Variants in CYP2S1 observed in about 807,000 individuals in gnomAD.
The protein encoded by CYP2S1 is cytochrome P450 family 2 subfamily S member 1, also known as cytochrome P450 2S1.
A neutral mutation model predicts 43.5 loss-of-function variants in CYP2S1; 32 were observed. The observed-to-expected ratio is 0.74, with a 90% CI of 0.56 to 0.99. The LOEUF is 0.99. Among genes scored for constraint, CYP2S1 ranks in the 50% least tolerant of loss-of-function variants. The pLI is 0.00. For synonymous variants in CYP2S1, 283 were observed against 302.9 expected, an observed-to-expected ratio of 0.93 and a Z score of 0.68; for missense variants, 575 against 673.9, an observed-to-expected ratio of 0.85 and a Z score of 1.62.
chr19:41,198,862 G>C lies in CYP2S1; in HGVS notation c.808G>C (p.Asp270His). The stretch of plus-strand genomic sequence containing the variant: ...TTCGGGCCCCGCACGTGACCTTGTC[G>C]ATGCCTTCCTGCTGAAGATGGCACA... ...DASGPARDLV[D>H]AFLLKMAQEE... The change falls in exon 5 of 9, where the codon GAT becomes CAT. Residue 270 changes from aspartate (D) to histidine (H), a missense_variant. Transcript: ENST00000310054. The surrounding 1 kb of genome is among the most constrained non-coding windows in gnomAD (Gnocchi z 4.9). 6.2e-7 allele frequency: 1 copy of C among 1,613,560 alleles called. No homozygotes were observed. Among genetic ancestry groups the C allele is most frequent in the Non-Finnish European group, 8.5e-7 (1 of 1,179,596 alleles).
chr19:41,205,398 T>TTC (rs1271596316), intron 7 of CYP2S1, among the ~76,000 whole-genome samples: 3 of 77,998 alleles, frequency 3.8e-5, no homozygotes, highest in African/African-American at 1.9e-4. Context: ...CTCTCTTTCT[T>TTC]TCTCTCTTTC....
At chr19:41,205,177 G>A (rs1486008819) in intron 7 of CYP2S1, among the ~76,000 whole-genome samples, 1 of 152,034 alleles carries the variant, frequency 6.6e-6, no homozygotes, top group African/African-American at 2.4e-5. Flanking sequence ...AATCTTTAAA[G>A]CAACCCTATA....
chr19:41,199,736 G>A (rs573015206), intron 5 of CYP2S1, among the ~76,000 whole-genome samples: 1 of 151,874 alleles, frequency 6.6e-6, no homozygotes, highest in African/African-American at 2.4e-5. Flanking sequence ...AGGCCGAGAC[G>A]GGCGGATCAC....
At chr19:41,202,808 G>T (rs2033506638) in intron 6 of CYP2S1, among the ~76,000 whole-genome samples, 1 of 148,814 alleles carries the variant, frequency 6.7e-6, no homozygotes, top group South Asian at 2.1e-4. Context: ...AAAAAAAAGA[G>T]AGAGAGAGAA....
At position 41,203,442 on chromosome 19, in the gene CYP2S1, G is replaced by T; in HGVS notation, c.977-8G>T. On this transcript the variant is annotated splice_region_variant and splice_polypyrimidine_tract_variant and intron_variant, in intron 6 of 8. Coordinates refer to ENST00000310054, the MANE Select transcript of CYP2S1 (RefSeq NM_030622.8). ...CCCGTCTGACTCCTGCCCTCCTCTT[G>T]CTTGCAGAGTGGGTACGTGAGGAGC... 6.3e-7 allele frequency: 1 copy of T among 1,593,058 alleles called. No homozygotes were observed. The highest frequency in any genetic ancestry group is 8.6e-7 in the Non-Finnish European group (1 of 1,169,212).
rs2033385921 is a variant in CYP2S1 at position 41,194,570 on chromosome 19, C to T, written c.204C>T (p.Phe68=). ...MRLSKKYGPV[F]TIYLGPWRPV... The stretch of plus-strand genomic sequence containing the variant: ...TGAGTAAGAAGTACGGACCGGTGTT[C>T]ACCATCTACCTGGGACCCTGGCGGC... Residue 68 remains phenylalanine (F), a synonymous_variant, in exon 2 of 9, where the codon TTC becomes TTT. Transcript: ENST00000310054. The T allele has an allele frequency of 1.2e-6, 2 of 1,602,956 alleles. No individual in the cohort carries two copies. The highest frequency in any genetic ancestry group is 1.1e-5 in the South Asian group (1 of 89,230).
Position 41,197,908 on chromosome 19 carries a change from A to T in CYP2S1, c.473A>T (p.Glu158Val), listed in dbSNP as rs781066659. 3.7e-6 allele frequency: 6 copies of T among 1,613,318 alleles called. No individual in the cohort carries two copies. The highest frequency in any genetic ancestry group is 5.1e-6 in the Non-Finnish European group (6 of 1,179,726). The change falls in exon 3 of 9, where the codon GAG (glutamate) becomes GTG (valine). Residue 158 changes from glutamate (E) to valine (V), a missense_variant. Glu to Val is a moderately radical substitution (Grantham distance 121). Around this residue, in one of 2 missense-constraint regions of CYP2S1, gnomAD observed 353 missense variants for 367.6 expected, o/e 0.96. Coordinates refer to ENST00000310054, the MANE Select transcript of CYP2S1 (RefSeq NM_030622.8). ...CAGGCGGAGGCCCGGTGTCTGGTGG[A>T]GACATTCCAGGGGACAGAAGGTCAG... ...LIQAEARCLV[E>V]TFQGTEGRPF... is the part of the protein sequence containing the mutation.
intron 6 of CYP2S1, 35 bp downstream of exon 6, chr19:41,201,407 C>T: frequency 6.2e-7 from 1 of 1,608,444 alleles, no homozygotes; most frequent in Non-Finnish European, 8.5e-7. Context: ...GCCTTGGGAA[C>T]AGAAGTCAGG....
At chr19:41,195,031 G>T (rs762418101) in intron 2 of CYP2S1, among the ~76,000 whole-genome samples, 6 of 152,138 alleles carry the variant, frequency 3.9e-5, no homozygotes, top group Non-Finnish European at 8.8e-5. Flanking sequence ...CAGGAGAATC[G>T]CTTGAACCCG....
In CYP2S1 at chr19:41,193,412, C is replaced by T. The variant is rs1423030283; in HGVS notation, c.148C>T (p.Pro50Ser). The T allele has an allele frequency of 2.3e-5, 34 of 1,502,754 alleles. No homozygotes were observed. The highest frequency in any genetic ancestry group is 2.9e-5 in the Non-Finnish European group (33 of 1,123,966). 93.1% of individuals were successfully genotyped at this position (1,502,754 alleles called of 1,614,324 possible). Reference protein sequence around the residue: ...PLLGNLLQLRPGALYSGLMRL... With the variant: ...PLLGNLLQLRSGALYSGLMRL... ...GCTGGGAAACCTCCTGCAGCTACGG[C>T]CCGGGGCGCTGTATTCAGGGCTCAT... The change falls in exon 1 of 9, where the codon CCC becomes TCC. Residue 50 changes from proline to serine, a missense_variant. This residue lies in a region of CYP2S1 where 353 missense variants were observed against 367.6 expected (regional missense o/e 0.96). Coordinates refer to ENST00000310054, the MANE Select transcript of CYP2S1 (RefSeq NM_030622.8).
rs992789596 is a variant in CYP2S1 at position 41,193,223 on chromosome 19, G to T, written c.-42G>T. 1.6e-5 allele frequency: 23 copies of T among 1,483,062 alleles called. No individual in the cohort carries two copies. The highest frequency in any genetic ancestry group is 1.8e-5 in the Non-Finnish European group (20 of 1,123,588). The allele number at this position is 1,483,062 out of a possible 1,614,324, so 91.9% of individuals were successfully genotyped here. A position where few individuals can be genotyped will look rare whatever the true frequency, so the allele number is the denominator to read the frequency against. ...GCTCCCGCCCCTAACTAGCCCAGCC[G>T]CGCGGAGCGCCTGGGAGAGGAGAAG... On this transcript the variant is annotated 5_prime_UTR_variant, in exon 1 of 9. Transcript: ENST00000310054.
intron 5 of CYP2S1, 78 bp from the exon 6 acceptor site, chr19:41,201,153 G>T: frequency 1.3e-6 from 2 of 1,523,154 alleles, no homozygotes; most frequent in South Asian, 1.3e-5. Flanking sequence ...TTGTGTTTCC[G>T]ACCCCAGGCT....
chr19:41,193,548 G>A (rs2033369909), intron 1 of CYP2S1, 107 bp downstream of exon 1: 1 of 1,362,924 alleles, frequency 7.3e-7, no homozygotes, highest in Non-Finnish European at 9.4e-7. Flanking sequence ...GGAGGCAGGG[G>A]CAGGGGTCCC....
At position 41,198,616 on chromosome 19, in the gene CYP2S1, G is replaced by A. The variant is rs764296424; in HGVS notation, c.648G>A (p.Gly216=). The A allele has an allele frequency of 1.2e-6, 2 of 1,614,084 alleles. No individual in the cohort carries two copies. The highest frequency in any genetic ancestry group is 1.7e-5 in the Admixed American group (1 of 60,018). The stretch of plus-strand genomic sequence containing the variant: ...CCCTGCTGGGAGTCAGCTCCCAGGG[G>A]GGTCAGGTGAGTGGGTGGGACCCCT... ...GGTLLGVSSQ[G]GQTYEMFSWF... is the part of the protein sequence containing the mutation. Residue 216 remains glycine, a synonymous_variant, in exon 4 of 9, where the codon GGG becomes GGA. Coordinates refer to ENST00000310054, the MANE Select transcript of CYP2S1 (RefSeq NM_030622.8). The surrounding 1 kb of genome is among the most constrained non-coding windows in gnomAD (Gnocchi z 4.9).
chr19:41,198,570 T>C lies in CYP2S1; in HGVS notation c.602T>C (p.Val201Ala), dbSNP rs147903320. ...FSYEDKEFQA[V>A]VRAAGGTLLG... ...TATGAGGATAAGGAGTTCCAGGCCG[T>C]GGTCCGGGCAGCTGGTGGTACCCTG... The change falls in exon 4 of 9, where the codon GTG becomes GCG. Residue 201 changes from valine (V) to alanine (A), a missense_variant. By Grantham distance (64) the Val-to-Ala change is moderately conservative (BLOSUM62 0). Transcript: ENST00000310054. This position sits in a 1 kb window ranked among gnomAD's most constrained non-coding sequence, Gnocchi z 4.9. 3 of 1,614,078 alleles carry C rather than the reference T, an allele frequency of 1.9e-6. 1 individual carries two copies. In the African/African-American group the frequency reaches 4.0e-5, roughly 22 times the overall value.
Position 41,197,945 on chromosome 19 carries a change from C to A in CYP2S1, c.493+17C>A. The stretch of plus-strand genomic sequence containing the variant: ...GGACAGAAGGTCAGCATGGCGGGGT[C>A]ACCCCAGGGTCTCCAGCCGAGTGAA... On this transcript the variant is annotated intron_variant, in intron 3 of 8. Transcript: ENST00000310054. The A allele has an allele frequency of 6.2e-7, 1 of 1,602,840 alleles. No homozygotes were observed. The highest frequency in any genetic ancestry group is 8.5e-7 in the Non-Finnish European group (1 of 1,175,424).
chr19:41,207,364 C>T lies in CYP2S1; in HGVS notation c.*876C>T, dbSNP rs1418576643. 1 of 167,474 alleles carries T rather than the reference C, an allele frequency of 6.0e-6. No individual in the cohort carries two copies. The highest frequency in any genetic ancestry group is 1.3e-5 in the Non-Finnish European group (1 of 76,394). 10.4% of individuals were successfully genotyped at this position (167,474 alleles called of 1,614,324 possible). ...CCCTCCACACACACATACACACTCA[C>T]TGATCTACAGCCCCTGTTCGGCGTC... On this transcript the variant is annotated 3_prime_UTR_variant, in exon 9 of 9. Transcript: ENST00000310054.
At chr19:41,193,733 A>G in intron 1 of CYP2S1, 1 of 376,762 alleles carries the variant, frequency 2.7e-6, no homozygotes, top group Non-Finnish European at 4.3e-6. Context: ...CCGAGGCTGA[A>G]AGAGACAGGA....
At chr19:41,201,725 C>G (rs560272820) in intron 6 of CYP2S1, among the ~76,000 whole-genome samples, 1 of 151,344 alleles carries the variant, frequency 6.6e-6, no homozygotes, top group Non-Finnish European at 1.5e-5. Context: ...AGTGAGAATT[C>G]TAGAGGGAAG....
Sources: allele counts gnomAD v4.1 joint callset (sites outside exome capture counted in the v4.1 genomes callset), GRCh38; gene constraint gnomAD v4.1.1; regional missense constraint gnomAD v4.1.1; non-coding constraint Gnocchi (gnomAD v3.1); transcripts MANE v1.5; gene names NCBI Gene and HGNC (gene_info 2026-07-23, HGNC 2026-07-21).